Variants in CACNA1C observed in about 807,000 individuals in gnomAD.
The protein encoded by CACNA1C is calcium voltage-gated channel subunit alpha1 C, also known as voltage-dependent L-type calcium channel subunit alpha-1C.
Under a neutral mutation model 229.0 loss-of-function variants are expected in CACNA1C, and 30 were observed. The observed-to-expected ratio is 0.13, with a 90% confidence interval of 0.10 to 0.18. The LOEUF is 0.18. CACNA1C is among the 10% of genes least tolerant of loss of function. The probability of loss-of-function intolerance (pLI) is 1.00; values close to 1 mark genes in which losing one functional copy is unlikely to be tolerated. For synonymous variants in CACNA1C, 1,114 were observed against 1,132.5 expected (o/e 0.98, Z 0.33); for missense variants, 1,658 against 2,845.0 (o/e 0.58, Z 9.49).
intron 13 of CACNA1C, among the ~76,000 whole-genome samples, chr12:2,571,996 C>T (rs2054710301): frequency 6.6e-6 from 1 of 150,784 alleles, no homozygotes; most frequent in South Asian, 2.1e-4. Context: ...AAGTACTTTG[C>T]AATGTCTTGC....
intron 3 of CACNA1C, among the ~76,000 whole-genome samples, chr12:2,349,414 T>G (rs544271011): frequency 6.6e-6 from 1 of 152,278 alleles, no homozygotes; most frequent in Non-Finnish European, 1.5e-5. Context: ...AATCATCGTT[T>G]TTTTTAAAGT....
At chr12:2,433,819 C>T (rs2099109562) in intron 3 of CACNA1C, among the ~76,000 whole-genome samples, 1 of 152,146 alleles carries the variant, frequency 6.6e-6, no homozygotes, top group Non-Finnish European at 1.5e-5. Flanking sequence ...AAGGGACAGC[C>T]GTTGAGCCCA....
intron 9 of CACNA1C, among the ~76,000 whole-genome samples, chr12:2,544,741 C>T (rs972570357): frequency 1.3e-5 from 2 of 152,192 alleles, no homozygotes; most frequent in African/African-American, 4.8e-5. Context: ...AGTCGAGATG[C>T]TTGAAGAAGT....
rs547792691 is a variant in CACNA1C at position 2,597,055 on chromosome 12, T to C, written c.2794-175T>C. Among the ~76,000 whole-genome samples, 16 of 152,122 alleles carry C rather than the reference T, an allele frequency of 1.1e-4. No individual in the cohort carries two copies. Among genetic ancestry groups the C allele is most frequent in the Non-Finnish European group, 2.2e-4 (15 of 67,986 alleles). On this transcript the variant is annotated intron_variant, in intron 20 of 46. Coordinates refer to ENST00000399655, the MANE Select transcript of CACNA1C (RefSeq NM_000719.7). This position sits in a 1 kb window ranked among gnomAD's most constrained non-coding sequence, Gnocchi z 4.3. ...GGCTAGCCCCGCCTCAGGATGTCTG[T>C]GTGTGTGCCGCTTGCCCCCCATGTC...
At chr12:2,056,417 A>G (rs558667486) in intron 1 of CACNA1C, among the ~76,000 whole-genome samples, 60 of 152,190 alleles carry the variant, frequency 3.9e-4, no homozygotes, top group African/African-American at 1.3e-3. Flanking sequence ...CCGATTTTCT[A>G]TTGCAGGCTC....
chr12:2,514,790 C>T (rs1004365631), intron 9 of CACNA1C, among the ~76,000 whole-genome samples: 8 of 152,104 alleles, frequency 5.3e-5, no homozygotes, highest in African/African-American at 1.7e-4. Context: ...ATTCTGTTCT[C>T]CGCCTAAAAC....
intron 3 of CACNA1C, among the ~76,000 whole-genome samples, chr12:2,441,605 G>A (rs865830467): frequency 2.0e-5 from 3 of 152,136 alleles, no homozygotes; most frequent in Admixed American, 6.5e-5. Context: ...GGTCTCCCTC[G>A]CCATAGCATC....
intron 3 of CACNA1C, among the ~76,000 whole-genome samples, chr12:2,222,672 A>G (rs1320074103): frequency 6.6e-6 from 1 of 152,146 alleles, no homozygotes; most frequent in African/African-American, 2.4e-5. Context: ...ATCTCATGCA[A>G]CCAAATGGCC....
chr12:2,346,225 CTGTG>C lies in CACNA1C; in HGVS notation c.478-102745_478-102742del, dbSNP rs767336398. Among the ~76,000 whole-genome samples, 3 of 151,992 alleles carry C rather than the reference CTGTG, an allele frequency of 2.0e-5. No individual in the cohort carries two copies. The East Asian group carries it at 5.8e-4, about 29-fold the overall frequency. On this transcript the variant is annotated intron_variant, in intron 3 of 46. Transcript: ENST00000399655. This position sits in a 1 kb window ranked among gnomAD's most constrained non-coding sequence, Gnocchi z 4.4. ...GTGTGTGTCTCTGTGTGTGTCATCT[CTGTG>C]TGTGTCTGTGTGTGTCTCTGTCTGT...
chr12:2,043,113 GC>G lies in CACNA1C; in HGVS notation c.139+71913del, dbSNP rs570202893. 2.9e-3 allele frequency among the ~76,000 whole-genome samples: 435 copies of G among 152,188 alleles called. 3 individuals carry two copies. Among genetic ancestry groups the G allele is most frequent in the Middle Eastern group, 0.02 (6 of 294 alleles). ...TAAATGATTGCAATATTACTTCATC[GC>G]AAGATCATTATGGTTACAGCCTGCC... On this transcript the variant is annotated intron_variant, in intron 1 of 46. Coordinates refer to the CACNA1C transcript ENST00000682462.
At chr12:2,547,924 G>A (rs1472947983) in intron 9 of CACNA1C, among the ~76,000 whole-genome samples, 1 of 152,080 alleles carries the variant, frequency 6.6e-6, no homozygotes. Flanking sequence ...GTCTTTCCAG[G>A]CCTAGCACCA....
rs933087517 is a variant in CACNA1C, at chr12:2,452,163, G to A, written c.617+3048G>A. On this transcript the variant is annotated intron_variant, in intron 4 of 46. Coordinates refer to ENST00000399655, the MANE Select transcript of CACNA1C (RefSeq NM_000719.7). ...GCCTAACTCACCCTAGAGAAAGGTG[G>A]ACCTGCCTGCCTACTGCCTGAGTGC... 3.3e-5 allele frequency among the ~76,000 whole-genome samples: 5 copies of A among 152,252 alleles called. No homozygotes were observed. The East Asian group carries it at 7.7e-4, about 24-fold the overall frequency.
rs765525037 is a variant in CACNA1C at position 2,575,122 on chromosome 12, G to A, written c.1896-6468G>A. 3.9e-5 allele frequency among the ~76,000 whole-genome samples: 6 copies of A among 152,190 alleles called. No individual in the cohort carries two copies. The highest frequency in any genetic ancestry group is 5.9e-5 in the Non-Finnish European group (4 of 68,032). On this transcript the variant is annotated intron_variant, in intron 13 of 46. Coordinates refer to ENST00000399655, the MANE Select transcript of CACNA1C (RefSeq NM_000719.7). This position sits in a 1 kb window ranked among gnomAD's most constrained non-coding sequence, Gnocchi z 4.0. ...AGGTTACACTCCCCATGCAGGTTCC[G>A]TTCTTAATGTGACCGAGACATCTGC... is the stretch of plus-strand genomic sequence containing the variant.
At chr12:2,173,078 C>T (rs1243968331) in intron 3 of CACNA1C, among the ~76,000 whole-genome samples, 1 of 151,940 alleles carries the variant, frequency 6.6e-6, no homozygotes, top group Non-Finnish European at 1.5e-5. Context: ...GGCGGTGTCT[C>T]TTACTTAAGA....
intron 39 of CACNA1C, chr12:2,676,779 TA>T (rs927237657): frequency 5.2e-5 from 10 of 191,716 alleles, no homozygotes; most frequent in Admixed American, 1.1e-4. Flanking sequence ...ACCTTTTGCA[TA>T]AAAAAAACAG....
chr12:2,263,873 G>A (rs2154405906), intron 3 of CACNA1C, among the ~76,000 whole-genome samples: 1 of 152,232 alleles, frequency 6.6e-6, no homozygotes, highest in South Asian at 2.1e-4. Context: ...ACTGACTGTA[G>A]AGGTCTAGGC....
rs772464323 is a variant in CACNA1C, at chr12:2,597,310, T to C, written c.2853+21T>C. ...TGAAGGTAAAGCCCCCATCCCCTTC[T>C]GCTCCTCCTGTCCCCCTTGTGCCAG... On this transcript the variant is annotated intron_variant, in intron 21 of 46. Transcript: ENST00000399655. The surrounding 1 kb of genome is among the most constrained non-coding windows in gnomAD (Gnocchi z 4.3). The C allele has an allele frequency of 3.8e-6, 6 of 1,584,672 alleles. No homozygotes were observed. The African/African-American group carries it at 8.1e-5, about 21-fold the overall frequency.
Position 2,359,892 on chromosome 12 carries a change from C to A in CACNA1C, c.478-89084C>A, listed in dbSNP as rs1330042098. 2.0e-5 allele frequency among the ~76,000 whole-genome samples: 3 copies of A among 152,146 alleles called. No homozygotes were observed. The East Asian group carries it at 5.8e-4, about 30-fold the overall frequency. ...ACAGGGTCTGTTAATTATAGCAAGG[C>A]AGGATGGATCACAAGCTCTTCCACC... On this transcript the variant is annotated intron_variant, in intron 3 of 46. Coordinates refer to ENST00000399655, the MANE Select transcript of CACNA1C (RefSeq NM_000719.7).
intron 3 of CACNA1C, among the ~76,000 whole-genome samples, chr12:2,147,243 A>G (rs1230665071): frequency 6.6e-6 from 1 of 151,386 alleles, no homozygotes; most frequent in African/African-American, 2.4e-5. Flanking sequence ...TTTAGATTAA[A>G]TTTCAAGAAG....
Sources: allele counts gnomAD v4.1 joint callset (sites outside exome capture counted in the v4.1 genomes callset), GRCh38; gene constraint gnomAD v4.1.1; non-coding constraint Gnocchi (gnomAD v3.1); transcripts MANE v1.5; gene names NCBI Gene and HGNC (gene_info 2026-07-23, HGNC 2026-07-21).